The following KIF7 variants were observed in gnomAD, a reference collection of about 807,000 sequenced individuals.
KIF7 encodes kinesin family member 7.
Under a neutral mutation model 135.7 loss-of-function variants are expected in KIF7, and 104 were observed. The observed-to-expected ratio is 0.77, with a 90% CI of 0.65 to 0.90. The LOEUF is 0.90. Ranked by LOEUF, KIF7 falls within the 40% of genes least tolerant of loss-of-function variation. The pLI, the probability that KIF7 is intolerant of heterozygous loss-of-function variation, is 0.00. For synonymous variants in KIF7, 883 were observed against 809.4 expected (o/e 1.09, Z -1.54); for missense variants, 2,005 against 1,839.1 (o/e 1.09, Z -1.65).
chr15:89,626,070 T>G (rs1290871307), downstream of KIF7: 3 of 1,613,466 alleles, frequency 1.9e-6, no homozygotes, highest in Admixed American at 5.0e-5. Context: ...AGGTAATGTT[T>G]GTTGAAGGTC....
At chr15:89,646,084 T>C in intron 7 of KIF7, 58 bp from the exon 8 acceptor site, 2 of 1,605,608 alleles carry the variant, frequency 1.2e-6, no homozygotes, top group Non-Finnish European at 1.7e-6. Flanking sequence ...TACCCCACCT[T>C]GCCTGCCCTC....
At chr15:89,659,900 A>G (rs914304681), upstream of KIF7, among the ~76,000 whole-genome samples, 4 of 152,232 alleles carry the variant, frequency 2.6e-5, no homozygotes, top group Non-Finnish European at 5.9e-5. Context: ...ATGTAACAGT[A>G]AAAATACGGA....
chr15:89,623,547 C>G (rs1258698831), downstream of KIF7: 4 of 1,412,932 alleles, frequency 2.8e-6, no homozygotes, highest in African/African-American at 4.3e-5. Context: ...CCCATTTGGT[C>G]TTAGAGATTA....
At chr15:89,633,024 GAACTC>G in intron 13 of KIF7, 28 bp from the exon 14 acceptor site, 4 of 771,928 alleles carry the variant, frequency 5.2e-6, no homozygotes, top group Non-Finnish European at 8.5e-6. Flanking sequence ...GGGAGGGAGG[GAACTC>G]AGGGCCCACC....
At chr15:89,637,546 A>G (rs1368874487) in intron 11 of KIF7, among the ~76,000 whole-genome samples, 1 of 152,066 alleles carries the variant, frequency 6.6e-6, no homozygotes. Flanking sequence ...AAACACCTCT[A>G]CACAAATAAA....
chr15:89,621,982 C>CT (rs34123859), intron 1 of KIF7, among the ~76,000 whole-genome samples: 4,272 of 87,648 alleles, frequency 0.049, 459 homozygotes, highest in African/African-American at 0.17. Flanking sequence ...CAAACTGACT[C>CT]TTTTTTTTTT....
intron 2 of KIF7, 117 bp downstream of exon 2, chr15:89,652,486 T>G: frequency 1.2e-6 from 1 of 822,778 alleles, no homozygotes; most frequent in East Asian, 2.7e-5. Context: ...AAATCGACTC[T>G]TCCTCCCCCA....
In KIF7 at chr15:89,628,550, G is replaced by T. The variant is rs779149527; in HGVS notation, c.3901C>A (p.Pro1301Thr). The change falls in exon 19 of 19, where the codon CCC (proline) becomes ACC (threonine). Residue 1301 changes from proline (P) to threonine (T), a missense_variant. Transcript: ENST00000394412. ...EELRQREAAEPLVGRVLPVGE... is the reference protein window; with the variant it reads ...EELRQREAAETLVGRVLPVGE... ...ACAGGAAGCACCCGCCCCACCAGGGGCTCAGCCGCCTCCCGCTGCCTCAGT... is the reference window on the plus strand; with the variant it reads ...ACAGGAAGCACCCGCCCCACCAGGGTCTCAGCCGCCTCCCGCTGCCTCAGT... The T allele has an allele frequency of 6.8e-6, 11 of 1,613,332 alleles. No homozygotes were observed. The South Asian group carries it at 1.2e-4, about 18-fold the overall frequency.
intron 1 of KIF7, 142 bp from the exon 2 acceptor site, chr15:89,653,096 A>G: frequency 1.6e-6 from 1 of 631,370 alleles, no homozygotes; most frequent in Non-Finnish European, 2.6e-6. Context: ...CAATATCCCC[A>G]TGTCCAACCT....
intron 15 of KIF7, chr15:89,631,175 T>C: frequency 2.7e-6 from 1 of 368,938 alleles, no homozygotes; most frequent in Non-Finnish European, 5.1e-6. Flanking sequence ...GCACTGAGTA[T>C]GCGCCTGACA....
At chr15:89,637,218 G>A (rs1251096035) in intron 11 of KIF7, among the ~76,000 whole-genome samples, 1 of 134,318 alleles carries the variant, frequency 7.4e-6, no homozygotes, top group Admixed American at 7.7e-5. Flanking sequence ...ATGCCCACAA[G>A]AGAAAGCAGG....
In KIF7 at chr15:89,648,550, C is replaced by A. The variant is rs1223367049; in HGVS notation, c.1148G>T (p.Arg383Leu). Reference sequence around the variant, plus strand: ...GGCGCGCCGGCCGCGGTGGATGATGCGGGTCTCGGAGCGGTGCCGTGGCGG... The same window carrying A: ...GGCGCGCCGGCCGCGGTGGATGATGAGGGTCTCGGAGCGGTGCCGTGGCGG... ...RGPPRHRSET[R>L]IIHRGRRAPG... Residue 383 changes from arginine to leucine, a missense_variant, in exon 5 of 19, where the codon CGC (arginine) becomes CTC (leucine). Coordinates refer to ENST00000394412, the MANE Select transcript of KIF7 (RefSeq NM_198525.3). 7.3e-5 allele frequency: 100 copies of A among 1,364,324 alleles called. No individual in the cohort carries two copies. The highest frequency in any genetic ancestry group is 9.5e-5 in the Non-Finnish European group (100 of 1,056,486). 84.5% of individuals were successfully genotyped at this position (1,364,324 alleles called of 1,614,324 possible).
chr15:89,630,400 C>A lies in KIF7; in HGVS notation c.3205G>T (p.Val1069Leu). The A allele has an allele frequency of 6.2e-7, 1 of 1,612,606 alleles. No homozygotes were observed. The highest frequency in any genetic ancestry group is 8.5e-7 in the Non-Finnish European group (1 of 1,179,350). Residue 1069 changes from valine to leucine, a missense_variant, in exon 16 of 19, where the codon GTG becomes TTG. By Grantham distance (32) the Val-to-Leu change is conservative (BLOSUM62 1). Transcript: ENST00000394412. Reference sequence around the variant, plus strand: ...AGCAACGAGGCTGAGGCCCGAAGCACCCGCTGGCGGCATGTGATGGCCTCA... The same window carrying A: ...AGCAACGAGGCTGAGGCCCGAAGCAACCGCTGGCGGCATGTGATGGCCTCA... ...KNEAITCRQR[V>L]LRASASLLSQ...
chr15:89,648,275 G>A lies in KIF7; in HGVS notation c.1423C>T (p.Gln475Ter). Residue 475 changes from glutamine (Q) to a stop codon, truncating the protein, a stop_gained, in exon 5 of 19, where the codon CAG (glutamine) becomes TAG (stop). Coordinates refer to ENST00000394412, the MANE Select transcript of KIF7 (RefSeq NM_198525.3). LOFTEE classifies it high-confidence loss of function. The stretch of plus-strand genomic sequence containing the variant: ...GCCACCTTTCGCCCGCCGGCCCCCT[G>A]CGCCGCCTGGTCCTCGACGGAGGCG... ...ESASVEDQAA[Q>*]GAGGRKEDEG... The A allele has an allele frequency of 6.6e-7, 1 of 1,519,344 alleles. No homozygotes were observed. The highest frequency in any genetic ancestry group is 8.8e-7 in the Non-Finnish European group (1 of 1,136,892). 94.1% of individuals were successfully genotyped at this position (1,519,344 alleles called of 1,614,324 possible).
rs544887467 is a variant in KIF7, at chr15:89,649,634, G to A, written c.529+107C>T. 10 of 1,300,058 alleles carry A rather than the reference G, an allele frequency of 7.7e-6. No homozygotes were observed. In the South Asian group the frequency reaches 1.5e-4, roughly 19 times the overall value. The allele number at this position is 1,300,058 out of a possible 1,614,324, so 80.5% of individuals were successfully genotyped here. A position where few individuals can be genotyped will look rare whatever the true frequency, so the allele number is the denominator to read the frequency against. On this transcript the variant is annotated intron_variant, in intron 3 of 18. Transcript: ENST00000394412. The stretch of plus-strand genomic sequence containing the variant: ...TAAAGCAAAACCTCCCAGGGCTTGG[G>A]TTTTCCATGAGGAGTTGCCATTCCC...
At chr15:89,658,911 G>A (rs144551609), upstream of KIF7, among the ~76,000 whole-genome samples, 113 of 152,124 alleles carry the variant, frequency 7.4e-4, no homozygotes, top group African/African-American at 2.2e-3. Context: ...AATGGATAAA[G>A]CGTTAGAGGA....
chr15:89,652,099 C>G (rs1964132970), intron 2 of KIF7, among the ~76,000 whole-genome samples: 1 of 152,196 alleles, frequency 6.6e-6, no homozygotes, highest in African/African-American at 2.4e-5. Context: ...CGACAGAAAA[C>G]AGCTTGTGTT....
In KIF7 at chr15:89,633,112, C is replaced by A. The variant is rs569986489; in HGVS notation, c.2718+29G>T. 7 of 1,601,396 alleles carry A rather than the reference C, an allele frequency of 4.4e-6. No homozygotes were observed. The Admixed American group carries it at 1.0e-4, about 23-fold the overall frequency. On this transcript the variant is annotated intron_variant, in intron 13 of 18. Transcript: ENST00000394412. ...ACCCACCAGCCAGCCCCCAGGGGAG[C>A]CCTGGGTGCGGACACAGCCTGGCCC... is the stretch of plus-strand genomic sequence containing the variant.
downstream of KIF7, chr15:89,627,881 C>G (rs949317642): frequency 6.5e-6 from 1 of 152,940 alleles, no homozygotes; most frequent in Non-Finnish European, 1.5e-5. Flanking sequence ...TGAACTGTCT[C>G]TCAGTCTCCA....
Sources: allele counts gnomAD v4.1 joint callset (sites outside exome capture counted in the v4.1 genomes callset), GRCh38; gene constraint gnomAD v4.1.1; transcripts MANE v1.5; gene names NCBI Gene and HGNC (gene_info 2026-07-23, HGNC 2026-07-21).